Variants in SNX29 observed in about 807,000 individuals in gnomAD.
SNX29 encodes sorting nexin 29.
SNX29 carries 78 observed loss-of-function variants against 102.1 expected under a neutral mutation model. That is an observed-to-expected ratio of 0.76 (90% CI 0.64 to 0.92). The LOEUF (loss-of-function observed/expected upper bound fraction) is 0.92, where lower values mean the gene tolerates loss of function less well. Among genes scored for constraint, SNX29 ranks in the 40% least tolerant of loss-of-function variants. The pLI is 0.00. For missense variants in SNX29, 1,280 were observed against 1,061.7 expected (o/e 1.21, Z -2.86); for synonymous variants, 580 against 414.5 (o/e 1.40, Z -4.85).
chr16:12,184,354 C>A (rs967341441), intron 13 of SNX29, among the ~76,000 whole-genome samples: 1 of 152,154 alleles, frequency 6.6e-6, no homozygotes, highest in East Asian at 1.9e-4. Context: ...GGCTGAGTTG[C>A]GTGCCATGCA....
chr16:12,548,798 T>G (rs140766736), intron 20 of SNX29, among the ~76,000 whole-genome samples: 1 of 152,188 alleles, frequency 6.6e-6, no homozygotes, highest in African/African-American at 2.4e-5. Flanking sequence ...GGGTCATAGC[T>G]GGGCTGTTGT....
At chr16:12,157,832 T>C (rs1487539957) in intron 13 of SNX29, among the ~76,000 whole-genome samples, 2 of 152,196 alleles carry the variant, frequency 1.3e-5, no homozygotes, top group Admixed American at 6.5e-5. Flanking sequence ...TTTGTGCCTC[T>C]GGGCCTTTGC....
intron 16 of SNX29, among the ~76,000 whole-genome samples, chr16:12,376,819 G>A (rs896710481): frequency 1.3e-5 from 2 of 149,252 alleles, no homozygotes; most frequent in Non-Finnish European, 3.0e-5. Context: ...CTTCAATAAC[G>A]TACTTTGTTT....
At chr16:12,334,007 G>C (rs903139478) in intron 15 of SNX29, among the ~76,000 whole-genome samples, 1 of 152,144 alleles carries the variant, frequency 6.6e-6, no homozygotes, top group Non-Finnish European at 1.5e-5. Flanking sequence ...TGATGGGTGT[G>C]TTTGTTAAAT....
At chr16:12,073,062 T>C (rs2051373839) in intron 10 of SNX29, among the ~76,000 whole-genome samples, 2 of 152,120 alleles carry the variant, frequency 1.3e-5, no homozygotes, top group Admixed American at 6.6e-5. Flanking sequence ...TCTCTCTTTT[T>C]TTCTTTATTA....
At chr16:12,455,581 C>G (rs2086501319) in intron 18 of SNX29, among the ~76,000 whole-genome samples, 1 of 152,236 alleles carries the variant, frequency 6.6e-6, no homozygotes, top group African/African-American at 2.4e-5. Flanking sequence ...CTTCCTCTGT[C>G]TTAGGTGAGA....
rs545448725 is a variant in SNX29, at chr16:12,227,778, T to C, written c.1678+28095T>C. 7.9e-5 allele frequency among the ~76,000 whole-genome samples: 12 copies of C among 151,872 alleles called. No individual in the cohort carries two copies. In the East Asian group the frequency reaches 2.3e-3, roughly 30 times the overall value. ...AGCCAGGCATGGTGGCTCGTGCTTG[T>C]AATCCCAGCTACTCGGGAGGCTGAG... On this transcript the variant is annotated intron_variant, in intron 14 of 20. Transcript: ENST00000566228.
At chr16:12,054,738 C>T (rs1164737163) in intron 8 of SNX29, among the ~76,000 whole-genome samples, 2 of 152,152 alleles carry the variant, frequency 1.3e-5, no homozygotes, top group Non-Finnish European at 2.9e-5. Context: ...CAATATAAAC[C>T]TGTATTTGTA....
intron 1 of SNX29, among the ~76,000 whole-genome samples, chr16:11,984,444 CA>C (rs926538407): frequency 3.7e-4 from 56 of 151,882 alleles, no homozygotes; most frequent in African/African-American, 1.3e-3. Flanking sequence ...TACAACTTTG[CA>C]TCTTGCTTTC....
chr16:12,382,741 A>T (rs1219705912), intron 16 of SNX29, among the ~76,000 whole-genome samples: 1 of 152,124 alleles, frequency 6.6e-6, no homozygotes, highest in African/African-American at 2.4e-5. Flanking sequence ...CTAGGGGAAG[A>T]TCCTTCCCTG....
At chr16:12,169,679 G>A (rs2076099810) in intron 13 of SNX29, among the ~76,000 whole-genome samples, 1 of 152,158 alleles carries the variant, frequency 6.6e-6, no homozygotes, top group Admixed American at 6.5e-5. Context: ...GGCCAACATG[G>A]TGAAATGCTA....
intron 3 of SNX29, among the ~76,000 whole-genome samples, chr16:12,020,480 G>A (rs1226099631): frequency 2.0e-5 from 3 of 152,062 alleles, no homozygotes; most frequent in African/African-American, 7.2e-5. Context: ...GGGATTGCAG[G>A]TGTGAGCAAC....
At chr16:12,314,061 C>G (rs1377766487) in intron 15 of SNX29, among the ~76,000 whole-genome samples, 1 of 152,272 alleles carries the variant, frequency 6.6e-6, no homozygotes, top group African/African-American at 2.4e-5. Context: ...TCACAGCTCA[C>G]TGCAGCCTCC....
chr16:12,347,720 TC>T (rs537212390), intron 15 of SNX29, among the ~76,000 whole-genome samples: 387 of 152,180 alleles, frequency 2.5e-3, no homozygotes, highest in African/African-American at 8.9e-3. Context: ...AACTCTTTCA[TC>T]CCTTTGTACC....
At chr16:12,002,129 A>G (rs1179287284) in intron 2 of SNX29, among the ~76,000 whole-genome samples, 1 of 151,982 alleles carries the variant, frequency 6.6e-6, no homozygotes, top group Non-Finnish European at 1.5e-5. Context: ...TATGTTATCT[A>G]TATTTTAATT....
chr16:12,537,357 G>A (rs1015683231), intron 20 of SNX29, among the ~76,000 whole-genome samples: 2 of 152,176 alleles, frequency 1.3e-5, no homozygotes, highest in African/African-American at 4.8e-5. Context: ...GAGCTCATTG[G>A]CAACTTGGTG....
chr16:12,545,017 G>A (rs1020659564), intron 20 of SNX29, among the ~76,000 whole-genome samples: 3 of 152,196 alleles, frequency 2.0e-5, no homozygotes, highest in African/African-American at 7.2e-5. Flanking sequence ...AGCAGCAGAT[G>A]TCGGCTTCAG....
At chr16:12,453,620 G>T (rs1008217989) in intron 18 of SNX29, among the ~76,000 whole-genome samples, 1 of 151,968 alleles carries the variant, frequency 6.6e-6, no homozygotes, top group African/African-American at 2.4e-5. Flanking sequence ...GTCTCAAGCA[G>T]TCCTTGTGCC....
intron 11 of SNX29, among the ~76,000 whole-genome samples, chr16:12,091,510 G>A (rs778474261): frequency 2.0e-5 from 3 of 150,230 alleles, no homozygotes; most frequent in Admixed American, 6.6e-5. Flanking sequence ...CCAGAGGTTG[G>A]GTATCATGGC....
Sources: gnomAD v4.1 joint callset for allele counts (sites outside exome capture counted in the v4.1 genomes callset) on GRCh38, gnomAD v4.1.1 for gene constraint, MANE v1.5 for transcripts, NCBI Gene and HGNC (gene_info 2026-07-23, HGNC 2026-07-21) for gene names.